DOK6: variants seen among roughly 807,000 people sequenced by gnomAD.
DOK6 encodes the protein downstream of tyrosine kinase 6.
DOK6 carries 22 observed loss-of-function variants against 44.0 expected under a neutral mutation model. That is an observed-to-expected ratio of 0.50 (90% CI 0.36 to 0.71). The LOEUF (loss-of-function observed/expected upper bound fraction) is 0.71, where lower values mean the gene tolerates loss of function less well. Among genes scored for constraint, DOK6 ranks in the 30% least tolerant of loss-of-function variants. The pLI is 0.00. For missense variants in DOK6, 340 were observed against 416.4 expected (o/e 0.82, Z 1.60); for synonymous variants, 166 against 145.5 (o/e 1.14, Z -1.01).
In DOK6 at chr18:69,842,142, A is replaced by T. The variant is rs1373499314; in HGVS notation, c.*759A>T. The T allele has an allele frequency of 5.5e-4, 1 of 1,828 alleles. No homozygotes were observed. The highest frequency in any genetic ancestry group is 2.6e-3 in the Non-Finnish European group (1 of 392). 0.1% of individuals were successfully genotyped at this position (1,828 alleles called of 1,614,324 possible). ...ATAGCTATTTTTAAAATAGTGCTGT[A>T]AAAAAAAAAAAAAAAAAGGCTTCTT... On this transcript the variant is annotated 3_prime_UTR_variant, in exon 8 of 8. Transcript: ENST00000382713.
At chr18:69,532,531 T>C (rs950864850) in intron 1 of DOK6, among the ~76,000 whole-genome samples, 5 of 152,218 alleles carry the variant, frequency 3.3e-5, no homozygotes, top group Non-Finnish European at 5.9e-5. Context: ...GGGTAATATT[T>C]TTCTTTCAGT....
chr18:69,565,474 C>CGTGT (rs869115556), intron 2 of DOK6, among the ~76,000 whole-genome samples: 105 of 87,608 alleles, frequency 1.2e-3, no homozygotes, highest in African/African-American at 4.1e-3. Context: ...TCTGTCTCTA[C>CGTGT]GTGTGTGTGT....
rs1982316778 is a variant in DOK6 at position 69,845,038 on chromosome 18, A to G, written c.*3655A>G. On this transcript the variant is annotated 3_prime_UTR_variant, in exon 8 of 8. Coordinates refer to ENST00000382713, the MANE Select transcript of DOK6 (RefSeq NM_152721.6). Reference sequence around the variant, plus strand: ...TATCTTTATTGTAGATATTAAAAACACATGATAAAAATTGATGTGTGCCCC... The same window carrying G: ...TATCTTTATTGTAGATATTAAAAACGCATGATAAAAATTGATGTGTGCCCC... 1 of 152,228 alleles carries G rather than the reference A, an allele frequency of 6.6e-6. No individual in the cohort carries two copies. Among genetic ancestry groups the G allele is most frequent in the African/African-American group, 2.4e-5 (1 of 41,450 alleles). 9.4% of individuals were successfully genotyped at this position (152,228 alleles called of 1,614,324 possible).
At chr18:69,628,652 G>T (rs931792470) in intron 3 of DOK6, among the ~76,000 whole-genome samples, 3 of 152,084 alleles carry the variant, frequency 2.0e-5, no homozygotes, top group Admixed American at 6.6e-5. Flanking sequence ...AACATATTTT[G>T]ATTTTTGAAT....
intron 1 of DOK6, among the ~76,000 whole-genome samples, chr18:69,509,427 G>T (rs1382400848): frequency 2.6e-5 from 4 of 152,006 alleles, no homozygotes; most frequent in Non-Finnish European, 4.4e-5. Context: ...CACGAGGTCA[G>T]GAGATCGAGA....
chr18:69,401,072 G>A lies in DOK6; in HGVS notation c.-173G>A, dbSNP rs984951687. ...CGGGCCCCGTTCCCCGTCCGCGGCG[G>A]CCCTGCAGGCGACCCCGCGTCCCCA... On this transcript the variant is annotated 5_prime_UTR_variant, in exon 1 of 8. Transcript: ENST00000382713. 5.3e-6 allele frequency: 2 copies of A among 377,496 alleles called. No individual in the cohort carries two copies. The highest frequency in any genetic ancestry group is 8.1e-6 in the Non-Finnish European group (2 of 245,404). The allele number at this position is 377,496 out of a possible 1,614,324, so 23.4% of individuals were successfully genotyped here.
chr18:69,675,991 T>C (rs1985913640), intron 3 of DOK6, among the ~76,000 whole-genome samples: 1 of 152,210 alleles, frequency 6.6e-6, no homozygotes, highest in African/African-American at 2.4e-5. Flanking sequence ...TTTATTATAT[T>C]GGTAGCCTTG....
At chr18:69,722,426 A>C (rs1434868131) in intron 5 of DOK6, among the ~76,000 whole-genome samples, 3 of 152,174 alleles carry the variant, frequency 2.0e-5, no homozygotes, top group African/African-American at 7.2e-5. Context: ...TTAATGACCA[A>C]GTTTTAGAGA....
intron 1 of DOK6, among the ~76,000 whole-genome samples, chr18:69,558,796 G>A (rs542651055): frequency 1.3e-5 from 2 of 152,108 alleles, no homozygotes; most frequent in Admixed American, 6.5e-5. Flanking sequence ...AAACAGAACA[G>A]GACGAGAAAA....
intron 3 of DOK6, among the ~76,000 whole-genome samples, chr18:69,633,879 C>T (rs1257753244): frequency 6.6e-6 from 1 of 152,016 alleles, no homozygotes; most frequent in Non-Finnish European, 1.5e-5. Context: ...GTAAGGGAAA[C>T]AGAATTTGAA....
intron 3 of DOK6, among the ~76,000 whole-genome samples, chr18:69,638,119 T>G (rs1047218436): frequency 6.6e-6 from 1 of 152,234 alleles, no homozygotes; most frequent in African/African-American, 2.4e-5. Flanking sequence ...GTAAGTCAGA[T>G]AGTAAACATT....
At chr18:69,488,804 TG>T (rs1193857443) in intron 1 of DOK6, among the ~76,000 whole-genome samples, 1 of 152,186 alleles carries the variant, frequency 6.6e-6, no homozygotes, top group African/African-American at 2.4e-5. Context: ...GAGATCTGGG[TG>T]GGGACACAGC....
At chr18:69,661,924 C>G (rs1985537676) in intron 3 of DOK6, 1 of 152,148 alleles carries the variant, frequency 6.6e-6, no homozygotes, top group African/African-American at 2.4e-5. Context: ...CTCTGAAAAG[C>G]TGTACTTCTG....
At chr18:69,836,309 A>G (rs1355047051) in intron 7 of DOK6, among the ~76,000 whole-genome samples, 1 of 152,224 alleles carries the variant, frequency 6.6e-6, no homozygotes, top group East Asian at 1.9e-4. Context: ...AGAGGGTCAT[A>G]TAATTTTGGC....
At chr18:69,786,803 T>G (rs1407059637) in intron 7 of DOK6, among the ~76,000 whole-genome samples, 1 of 152,260 alleles carries the variant, frequency 6.6e-6, no homozygotes, top group Non-Finnish European at 1.5e-5. Flanking sequence ...TATATAAAAT[T>G]CATACATATG....
At chr18:69,418,186 A>G (rs1254365752) in intron 1 of DOK6, among the ~76,000 whole-genome samples, 1 of 152,024 alleles carries the variant, frequency 6.6e-6, no homozygotes, top group Non-Finnish European at 1.5e-5. Flanking sequence ...TCACAATCTT[A>G]GGTCTTATTT....
At chr18:69,693,240 C>T (rs190915008) in intron 4 of DOK6, among the ~76,000 whole-genome samples, 1 of 150,772 alleles carries the variant, frequency 6.6e-6, no homozygotes, top group Non-Finnish European at 1.5e-5. Flanking sequence ...TTTCTTTTGA[C>T]CCAACCTTCA....
intron 1 of DOK6, among the ~76,000 whole-genome samples, chr18:69,472,777 A>G (rs548704931): frequency 3.9e-5 from 6 of 152,318 alleles, no homozygotes; most frequent in Admixed American, 2.6e-4. Flanking sequence ...ATTTCTTTAA[A>G]GAAACATTTA....
intron 1 of DOK6, among the ~76,000 whole-genome samples, chr18:69,475,566 C>T (rs1488583042): frequency 3.3e-5 from 5 of 152,170 alleles, no homozygotes; most frequent in Non-Finnish European, 7.4e-5. Flanking sequence ...TGTGAATCCT[C>T]ATTTAGATGG....
Sources: gnomAD v4.1 joint callset for allele counts (sites outside exome capture counted in the v4.1 genomes callset) on GRCh38, gnomAD v4.1.1 for gene constraint, MANE v1.5 for transcripts, NCBI Gene and HGNC (gene_info 2026-07-23, HGNC 2026-07-21) for gene names.